SEPTIN9: variants seen among roughly 807,000 people sequenced by gnomAD.
The protein encoded by SEPTIN9 is septin-9.
SEPTIN9 carries 13 observed loss-of-function variants against 56.6 expected under a neutral mutation model. That is an observed-to-expected ratio of 0.23 (90% CI 0.15 to 0.37). SEPTIN9 has a LOEUF of 0.37. Among genes scored for constraint, SEPTIN9 ranks in the 10% least tolerant of loss-of-function variants. The probability of loss-of-function intolerance (pLI) is 1.00; values close to 1 mark genes in which losing one functional copy is unlikely to be tolerated. For synonymous variants in SEPTIN9, 332 were observed against 334.1 expected (o/e 0.99, Z 0.07); for missense variants, 650 against 823.1 (o/e 0.79, Z 2.57).
chr17:77,497,960 G>A (rs893017237), intron 11 of SEPTIN9, among the ~76,000 whole-genome samples: 5 of 152,228 alleles, frequency 3.3e-5, no homozygotes, highest in East Asian at 1.9e-4. Flanking sequence ...TCCGGGAGCC[G>A]TTCTGCCATT....
intron 3 of SEPTIN9, among the ~76,000 whole-genome samples, chr17:77,420,591 C>T (rs1351483256): frequency 6.6e-6 from 1 of 152,126 alleles, no homozygotes; most frequent in Non-Finnish European, 1.5e-5. Context: ...AGCTGTCCTC[C>T]TGGTGGACAG....
At position 77,499,238 on chromosome 17, in the gene SEPTIN9, C is replaced by G. The variant is rs774921858; in HGVS notation, c.*580C>G. 5.1e-6 allele frequency: 3 copies of G among 592,666 alleles called. No individual in the cohort carries two copies. Among genetic ancestry groups the G allele is most frequent in the Non-Finnish European group, 9.8e-6 (3 of 306,812 alleles). 36.7% of individuals were successfully genotyped at this position (592,666 alleles called of 1,614,324 possible). A position where few individuals can be genotyped will look rare whatever the true frequency, so the allele number is the denominator to read the frequency against. ...TCCAGGGTCCCCTGCCACCGACTGCCCAGCCACTCCAAGCCCCCTGGCAGC... is the reference window on the plus strand; with the variant it reads ...TCCAGGGTCCCCTGCCACCGACTGCGCAGCCACTCCAAGCCCCCTGGCAGC... On this transcript the variant is annotated 3_prime_UTR_variant, in exon 12 of 12. Transcript: ENST00000427177.
chr17:77,344,709 C>T (rs1026737577), intron 2 of SEPTIN9, among the ~76,000 whole-genome samples: 6 of 152,224 alleles, frequency 3.9e-5, no homozygotes, highest in South Asian at 2.1e-4. Context: ...TGGTGGCTCA[C>T]GCCTGTAATC....
At chr17:77,392,515 G>C (rs947165491) in intron 2 of SEPTIN9, among the ~76,000 whole-genome samples, 1 of 152,212 alleles carries the variant, frequency 6.6e-6, no homozygotes, top group Non-Finnish European at 1.5e-5. Context: ...CACGTGTGCA[G>C]ATAAGCCTGG....
chr17:77,355,931 G>A lies in SEPTIN9; in HGVS notation c.77-46128G>A, dbSNP rs1387535490. ...CAGGAGGCGGAGCTTGCAGTGAGCC[G>A]AGATCGCGTCACTGCACTCCAGCCT... On this transcript the variant is annotated intron_variant, in intron 2 of 11. Coordinates refer to ENST00000427177, the MANE Select transcript of SEPTIN9 (RefSeq NM_001113491.2). Among the ~76,000 whole-genome samples, 3 of 140,864 alleles carry A rather than the reference G, an allele frequency of 2.1e-5. No individual in the cohort carries two copies. The South Asian group carries it at 7.2e-4, about 34-fold the overall frequency. 92.4% of individuals were successfully genotyped at this position (140,864 alleles called of 152,430 possible).
chr17:77,431,980 C>T (rs552843459), intron 3 of SEPTIN9, among the ~76,000 whole-genome samples: 3 of 152,102 alleles, frequency 2.0e-5, no homozygotes, highest in South Asian at 2.1e-4. Flanking sequence ...AAAAATGTTT[C>T]GTGGCTGGCG....
chr17:77,282,259 GTTAAGAGAAA>G (rs2031061321), intron 1 of SEPTIN9, among the ~76,000 whole-genome samples: 1 of 152,270 alleles, frequency 6.6e-6, no homozygotes, highest in Non-Finnish European at 1.5e-5. Context: ...ACAAGGGCAG[GTTAAGAGAAA>G]TCCAGATCTT....
At chr17:77,311,597 G>A (rs755916414) in intron 2 of SEPTIN9, among the ~76,000 whole-genome samples, 1 of 152,170 alleles carries the variant, frequency 6.6e-6, no homozygotes, top group Non-Finnish European at 1.5e-5. Flanking sequence ...TGGTGAATCA[G>A]AGCCAAACTC....
rs911699361 is a variant in SEPTIN9 at position 77,436,327 on chromosome 17, C to G, written c.721+33624C>G. ...TCTGAGCCACCCTGCATGTTTCATT[C>G]CACCGACTTCTGCAGCCCAGCTGTT... On this transcript the variant is annotated intron_variant, in intron 3 of 11. Coordinates refer to ENST00000427177, the MANE Select transcript of SEPTIN9 (RefSeq NM_001113491.2). This position sits in a 1 kb window ranked among gnomAD's most constrained non-coding sequence, Gnocchi z 4.4. Among the ~76,000 whole-genome samples the G allele has an allele frequency of 5.3e-5, 8 of 152,360 alleles. No individual in the cohort carries two copies. Among genetic ancestry groups the G allele is most frequent in the Non-Finnish European group, 1.2e-4 (8 of 68,036 alleles).
At chr17:77,498,241 G>T (rs2040356171) in intron 11 of SEPTIN9, among the ~76,000 whole-genome samples, 1 of 151,990 alleles carries the variant, frequency 6.6e-6, no homozygotes, top group Non-Finnish European at 1.5e-5. Context: ...CTGGACCCAG[G>T]GCCATAGGGT....
chr17:77,439,135 G>T (rs2037455932), intron 3 of SEPTIN9, among the ~76,000 whole-genome samples: 1 of 152,170 alleles, frequency 6.6e-6, no homozygotes, highest in Non-Finnish European at 1.5e-5. Flanking sequence ...ACTGGCCCAG[G>T]GTCATGCAGA....
At chr17:77,338,553 G>A (rs945332627) in intron 2 of SEPTIN9, among the ~76,000 whole-genome samples, 1 of 152,114 alleles carries the variant, frequency 6.6e-6, no homozygotes, top group South Asian at 2.1e-4. Flanking sequence ...CGAGTAGCTG[G>A]GACTACAGGT....
chr17:77,366,928 C>T (rs990156315), intron 2 of SEPTIN9, among the ~76,000 whole-genome samples: 93 of 152,278 alleles, frequency 6.1e-4, no homozygotes, highest in African/African-American at 2.0e-3. Context: ...TAAAAAGTCC[C>T]CTGCCTTGGA....
intron 3 of SEPTIN9, among the ~76,000 whole-genome samples, chr17:77,420,435 C>T (rs2036658368): frequency 6.6e-6 from 1 of 152,204 alleles, no homozygotes; most frequent in Admixed American, 6.5e-5. Context: ...TGCCTGGCCC[C>T]TGTGAAACAG....
intron 1 of SEPTIN9, among the ~76,000 whole-genome samples, chr17:77,302,274 G>A (rs1039333306): frequency 6.6e-6 from 1 of 151,634 alleles, no homozygotes; most frequent in Admixed American, 6.6e-5. Flanking sequence ...ACCAGCCTGG[G>A]CCACCTGAGA....
Position 77,351,534 on chromosome 17 carries a change from C to T in SEPTIN9, c.76+44337C>T, listed in dbSNP as rs537511690. On this transcript the variant is annotated intron_variant, in intron 2 of 11. Coordinates refer to ENST00000427177, the MANE Select transcript of SEPTIN9 (RefSeq NM_001113491.2). Reference sequence around the variant, plus strand: ...TCTGGGCATCTCTCAAGGTCACGGGCGGCCACACTCAAGGTTAGGCCCTCC... The same window carrying T: ...TCTGGGCATCTCTCAAGGTCACGGGTGGCCACACTCAAGGTTAGGCCCTCC... Among the ~76,000 whole-genome samples, 4 of 152,290 alleles carry T rather than the reference C, an allele frequency of 2.6e-5. No individual in the cohort carries two copies. In the South Asian group the frequency reaches 6.2e-4, roughly 24 times the overall value.
At chr17:77,303,443 G>A (rs888711912) in intron 1 of SEPTIN9, among the ~76,000 whole-genome samples, 2 of 151,160 alleles carry the variant, frequency 1.3e-5, no homozygotes, top group African/African-American at 2.4e-5. Flanking sequence ...GCCAGATAAC[G>A]GTGACTAACG....
In SEPTIN9 at chr17:77,303,743, G is replaced by C. The variant is rs2032156377; in HGVS notation, c.20-3398G>C. ...CTTATTGAGTTTTAATTTTGTGCCA[G>C]GCACTGTGCTAGTACTTGCGCCATG... is the stretch of plus-strand genomic sequence containing the variant. On this transcript the variant is annotated intron_variant, in intron 1 of 11. Transcript: ENST00000427177. 2.6e-5 allele frequency among the ~76,000 whole-genome samples: 4 copies of C among 152,074 alleles called. No individual in the cohort carries two copies. The South Asian group carries it at 8.3e-4, about 32-fold the overall frequency.
rs183315762 is a variant in SEPTIN9 at position 77,313,237 on chromosome 17, C to T, written c.76+6040C>T. On this transcript the variant is annotated intron_variant, in intron 2 of 11. Transcript: ENST00000427177. This position sits in a 1 kb window ranked among gnomAD's most constrained non-coding sequence, Gnocchi z 4.5. ...TCGGGGGCCCCCTCTAGGAATGGAG[C>T]GCCAGCTCCAGCTCCTGTCAGGCTA... 8.5e-4 allele frequency among the ~76,000 whole-genome samples: 129 copies of T among 152,356 alleles called. 1 individual carries two copies. The highest frequency in any genetic ancestry group is 2.6e-3 in the African/African-American group (108 of 41,592).
Sources: allele counts gnomAD v4.1 joint callset (sites outside exome capture counted in the v4.1 genomes callset), GRCh38; gene constraint gnomAD v4.1.1; non-coding constraint Gnocchi (gnomAD v3.1); transcripts MANE v1.5; gene names NCBI Gene and HGNC (gene_info 2026-07-23, HGNC 2026-07-21).